Variants in PLBD1 observed in about 807,000 individuals in gnomAD.
PLBD1 encodes phospholipase B domain containing 1.
PLBD1 carries 60 observed loss-of-function variants against 63.0 expected under a neutral mutation model. The observed-to-expected ratio is 0.95, with a 90% CI of 0.77 to 1.18. The LOEUF is 1.18. Among genes scored for constraint, PLBD1 ranks in the 50% most tolerant of loss-of-function variants. The pLI is 0.00. For synonymous variants in PLBD1, 262 were observed against 248.0 expected (o/e 1.06, Z -0.53); for missense variants, 598 against 677.9 (o/e 0.88, Z 1.31).
intron 1 of PLBD1, among the ~76,000 whole-genome samples, chr12:14,562,013 G>C (rs1368182222): frequency 6.6e-6 from 1 of 152,178 alleles, no homozygotes; most frequent in Non-Finnish European, 1.5e-5. Context: ...AATAACACCG[G>C]TGTGAATAAC....
intron 6 of PLBD1, among the ~76,000 whole-genome samples, chr12:14,535,416 T>G (rs978816377): frequency 6.6e-6 from 1 of 152,246 alleles, no homozygotes; most frequent in Non-Finnish European, 1.5e-5. Flanking sequence ...TAAATTTAGA[T>G]GTAGCCATTT....
chr12:14,564,759 G>A (rs1273255287), intron 1 of PLBD1, among the ~76,000 whole-genome samples: 1 of 152,160 alleles, frequency 6.6e-6, no homozygotes, highest in South Asian at 2.1e-4. Context: ...GCCAGATTCT[G>A]AACCAGTTTT....
intron 2 of PLBD1, among the ~76,000 whole-genome samples, chr12:14,551,761 T>C (rs971746697): frequency 6.6e-6 from 1 of 152,212 alleles, no homozygotes; most frequent in Non-Finnish European, 1.5e-5. Flanking sequence ...CTAACCTATT[T>C]ATATTCACAC....
Position 14,540,110 on chromosome 12 carries a change from T to TATATATATATATATATATA in PLBD1, c.558+653_558+654insTATATATATATATATATAT, listed in dbSNP as rs1565577674. Among the ~76,000 whole-genome samples, 41 of 91,778 alleles carry TATATATATATATATATATA rather than the reference T, an allele frequency of 4.5e-4. 2 individuals carry two copies. Among genetic ancestry groups the TATATATATATATATATATA allele is most frequent in the Non-Finnish European group, 6.8e-4 (34 of 50,172 alleles). The allele number at this position is 91,778 out of a possible 152,430, so 60.2% of individuals were successfully genotyped here. A position where few individuals can be genotyped will look rare whatever the true frequency, so the allele number is the denominator to read the frequency against. On this transcript the variant is annotated intron_variant, in intron 4 of 10. Coordinates refer to ENST00000240617, the MANE Select transcript of PLBD1 (RefSeq NM_024829.6). Reference sequence around the variant, plus strand: ...GAGAGTTATATAATATAAATATTATTTATATATATATATATATATATACTG... The same window carrying TATATATATATATATATATA: ...GAGAGTTATATAATATAAATATTATTATATATATATATATATATATATATATATATATATATATATACTG...
rs765672431 is a variant in PLBD1 at position 14,506,191 on chromosome 12, G to C, written c.1450C>G (p.Pro484Ala). 2 of 1,611,968 alleles carry C rather than the reference G, an allele frequency of 1.2e-6. No homozygotes were observed. Among genetic ancestry groups the C allele is most frequent in the East Asian group, 2.2e-5 (1 of 44,834 alleles). ...CCREDLNSPN[P>A]SPGGCYDTKV... Reference sequence around the variant, plus strand: ...GTGTCATAACAACCTCCAGGACTTGGGTTAGGTGAGTTCAGGTCCTCACGG... The same window carrying C: ...GTGTCATAACAACCTCCAGGACTTGCGTTAGGTGAGTTCAGGTCCTCACGG... Residue 484 changes from proline to alanine, a missense_variant, in exon 10 of 11, where the codon CCA (proline) becomes GCA (alanine). Pro to Ala is a conservative substitution (Grantham distance 27). Transcript: ENST00000240617.
chr12:14,543,047 A>C (rs544768318), intron 2 of PLBD1, among the ~76,000 whole-genome samples: 20 of 139,640 alleles, frequency 1.4e-4, no homozygotes, highest in African/African-American at 5.2e-4. Context: ...TGTACAGTTA[A>C]TATTTTTAAT....
intron 10 of PLBD1, among the ~76,000 whole-genome samples, chr12:14,504,886 G>C (rs1281714224): frequency 1.3e-5 from 2 of 152,170 alleles, no homozygotes; most frequent in Non-Finnish European, 2.9e-5. Flanking sequence ...GAAACTTTCT[G>C]ATAAGAACAA....
At chr12:14,519,209 T>C (rs2136910130) in intron 6 of PLBD1, among the ~76,000 whole-genome samples, 2 of 152,320 alleles carry the variant, frequency 1.3e-5, no homozygotes, top group South Asian at 4.1e-4. Flanking sequence ...TGTTGAAGTC[T>C]TAACCCCTAG....
rs546213279 is a variant in PLBD1, at chr12:14,567,522, C to T, written c.115+60G>A. On this transcript the variant is annotated intron_variant, in intron 1 of 10. Transcript: ENST00000240617. ...AACTCGGCCGGACGCGGGGCACGGG[C>T]GCTAACAGGCTCCTAGGAGCCTCCC... is the stretch of plus-strand genomic sequence containing the variant. The T allele has an allele frequency of 3.5e-6, 5 of 1,423,592 alleles. No homozygotes were observed. The South Asian group carries it at 5.7e-5, about 16-fold the overall frequency. 88.2% of individuals were successfully genotyped at this position (1,423,592 alleles called of 1,614,324 possible).
chr12:14,541,512 C>T lies in PLBD1; in HGVS notation c.420-610G>A, dbSNP rs796967695. Reference sequence around the variant, plus strand: ...TATGGGATGATTTGATATAACTTTGCGTACTGAAAACTATTTCTGACTTGT... The same window carrying T: ...TATGGGATGATTTGATATAACTTTGTGTACTGAAAACTATTTCTGACTTGT... On this transcript the variant is annotated intron_variant, in intron 3 of 10. Transcript: ENST00000240617. 6.6e-5 allele frequency among the ~76,000 whole-genome samples: 10 copies of T among 152,270 alleles called. 1 individual carries two copies. The highest frequency in any genetic ancestry group is 1.9e-4 in the African/African-American group (8 of 41,560).
chr12:14,556,853 G>A (rs753558963), intron 1 of PLBD1, among the ~76,000 whole-genome samples: 2 of 151,648 alleles, frequency 1.3e-5, no homozygotes, highest in Non-Finnish European at 2.9e-5. Flanking sequence ...GCATGGTGAC[G>A]TAAGCCTGTA....
At chr12:14,555,367 G>A (rs1355521672) in intron 1 of PLBD1, among the ~76,000 whole-genome samples, 5 of 152,028 alleles carry the variant, frequency 3.3e-5, no homozygotes, top group African/African-American at 4.8e-5. Context: ...GAGAAACCTC[G>A]TCTCTACTAA....
intron 6 of PLBD1, among the ~76,000 whole-genome samples, chr12:14,535,368 C>A (rs1020447573): frequency 6.6e-5 from 10 of 152,152 alleles, no homozygotes. Context: ...AGCAAAGAGT[C>A]TTGTACTTGA....
chr12:14,531,736 T>G (rs1336803001), intron 6 of PLBD1, among the ~76,000 whole-genome samples: 1 of 152,186 alleles, frequency 6.6e-6, no homozygotes. Flanking sequence ...GCTCAAGCTG[T>G]TCTTCAGCCT....
At chr12:14,513,236 A>G (rs1467701641) in intron 6 of PLBD1, among the ~76,000 whole-genome samples, 1 of 152,228 alleles carries the variant, frequency 6.6e-6, no homozygotes, top group East Asian at 1.9e-4. Context: ...ATATTCTGAT[A>G]TATGTATACA....
chr12:14,544,906 A>G (rs773026374), intron 2 of PLBD1, among the ~76,000 whole-genome samples: 4 of 152,184 alleles, frequency 2.6e-5, no homozygotes, highest in Non-Finnish European at 5.9e-5. Context: ...CATTCTAAAA[A>G]TTAATCTGGA....
chr12:14,539,588 C>G (rs1156881442), intron 4 of PLBD1, among the ~76,000 whole-genome samples: 2 of 151,864 alleles, frequency 1.3e-5, no homozygotes, highest in African/African-American at 2.4e-5. Flanking sequence ...GAGTTCGAGA[C>G]TAGCCTGGCC....
chr12:14,550,286 A>G (rs1023617893), intron 2 of PLBD1, among the ~76,000 whole-genome samples: 1 of 152,168 alleles, frequency 6.6e-6, no homozygotes, highest in African/African-American at 2.4e-5. Context: ...GAGATTCTAG[A>G]GCTATCTCTG....
At chr12:14,567,536 T>C (rs1477605846) in intron 1 of PLBD1, 46 bp downstream of exon 1, 11 of 1,457,040 alleles carry the variant, frequency 7.5e-6, no homozygotes, top group Middle Eastern at 4.6e-4. Flanking sequence ...AACAGGCTCC[T>C]AGGAGCCTCC....
Sources: gnomAD v4.1 joint callset for allele counts (sites outside exome capture counted in the v4.1 genomes callset) on GRCh38, gnomAD v4.1.1 for gene constraint, MANE v1.5 for transcripts, NCBI Gene and HGNC (gene_info 2026-07-23, HGNC 2026-07-21) for gene names.